Variants in PMS2 observed in about 807,000 individuals in gnomAD.
The protein encoded by PMS2 is mismatch repair endonuclease PMS2.
A neutral mutation model predicts 90.0 loss-of-function variants in PMS2; 69 were observed. The observed-to-expected ratio is 0.77, with a 90% confidence interval of 0.63 to 0.94. PMS2 has a LOEUF of 0.94. PMS2 is among the 40% of genes least tolerant of loss of function. PMS2 has a pLI of 0.00. For missense variants in PMS2, 966 were observed against 1,040.2 expected (o/e 0.93, Z 0.98); for synonymous variants, 332 against 375.1 (o/e 0.89, Z 1.33).
At chr7:6,008,373 G>A (rs1475307892) in intron 1 of PMS2, among the ~76,000 whole-genome samples, 2 of 152,162 alleles carry the variant, frequency 1.3e-5, no homozygotes, top group African/African-American at 4.8e-5. Flanking sequence ...CTAACAGGTA[G>A]AAACGTATTG....
At chr7:5,986,714 A>C in intron 11 of PMS2, 45 bp downstream of exon 11, 2 of 1,406,508 alleles carry the variant, frequency 1.4e-6, no homozygotes, top group Non-Finnish European at 1.9e-6. Flanking sequence ...AATAAAAATA[A>C]AAATTTTAGA....
intron 8 of PMS2, 35 bp from the exon 9 acceptor site, chr7:5,992,092 GA>G: frequency 8.8e-7 from 1 of 1,133,354 alleles, no homozygotes; most frequent in East Asian, 2.3e-5. Context: ...AAGAATAAAT[GA>G]CAAATGTTCC....
At chr7:5,999,386 G>A in intron 5 of PMS2, 111 bp from the exon 6 acceptor site, 1 of 931,042 alleles carries the variant, frequency 1.1e-6, no homozygotes, top group Non-Finnish European at 1.7e-6. Flanking sequence ...CACAAATCAA[G>A]GGAAGCACTG....
chr7:6,005,618 T>A (rs1785647591), intron 2 of PMS2, among the ~76,000 whole-genome samples: 2 of 152,160 alleles, frequency 1.3e-5, no homozygotes, highest in African/African-American at 4.8e-5. Context: ...ATTATAGGCG[T>A]GAGACACCAC....
intron 11 of PMS2, among the ~76,000 whole-genome samples, chr7:5,984,640 C>T (rs955790334): frequency 6.6e-6 from 1 of 151,620 alleles, no homozygotes; most frequent in Middle Eastern, 3.2e-3. Flanking sequence ...AAAAAATTAG[C>T]CAGGCATGGT....
In PMS2 at chr7:5,995,534, C is replaced by T. The variant is rs267608153; in HGVS notation, c.903G>A (p.Lys301=). 3.1e-6 allele frequency: 5 copies of T among 1,609,560 alleles called. No individual in the cohort carries two copies. The highest frequency in any genetic ancestry group is 4.3e-6 in the Non-Finnish European group (5 of 1,176,072). The part of the protein sequence containing the change: ...FINRRPCDPA[K]VCRLVNEVYH... ...ACTAACACAAAAAAATTTTAAATACCTTTGCTGGGTCACAAGGCCGCCGGT... is the reference window on the plus strand; with the variant it reads ...ACTAACACAAAAAAATTTTAAATACTTTTGCTGGGTCACAAGGCCGCCGGT... The change falls in exon 8 of 15, where the codon AAG becomes AAA. Residue 301 remains lysine, a splice_region_variant and synonymous_variant. Transcript: ENST00000265849.
chr7:6,004,237 C>T (rs761059987), intron 2 of PMS2, 179 bp from the exon 3 acceptor site: 12 of 549,894 alleles, frequency 2.2e-5, no homozygotes, highest in African/African-American at 5.8e-5. Flanking sequence ...ATTTACTAGC[C>T]CAGACTAAAT....
At chr7:6,005,078 T>C (rs1313986924) in intron 2 of PMS2, among the ~76,000 whole-genome samples, 2 of 152,064 alleles carry the variant, frequency 1.3e-5, no homozygotes, top group Non-Finnish European at 2.9e-5. Context: ...CTAATTTTTG[T>C]ATTTTTAGTA....
chr7:5,976,270 T>C (rs1345070072), intron 14 of PMS2, among the ~76,000 whole-genome samples: 3 of 145,104 alleles, frequency 2.1e-5, no homozygotes, highest in African/African-American at 7.4e-5. Flanking sequence ...TTGAATCTCT[T>C]GACTGTGCTT....
chr7:5,996,064 G>A (rs1055868951), intron 7 of PMS2, among the ~76,000 whole-genome samples: 7 of 152,076 alleles, frequency 4.6e-5, no homozygotes, highest in African/African-American at 1.2e-4. Context: ...CGGGTAGGAC[G>A]CTTATATCTC....
At chr7:5,995,031 GA>G (rs927007333) in intron 8 of PMS2, among the ~76,000 whole-genome samples, 26 of 151,942 alleles carry the variant, frequency 1.7e-4, no homozygotes, top group African/African-American at 5.8e-4. Context: ...TAAAGTAGTA[GA>G]AAAAAATATA....
At chr7:5,999,336 C>T (rs1478449102) in intron 5 of PMS2, 61 bp from the exon 6 acceptor site, 1 of 1,453,182 alleles carries the variant, frequency 6.9e-7, no homozygotes, top group Non-Finnish European at 9.7e-7. Context: ...AATTACACAG[C>T]TCAAGTTACA....
At chr7:5,997,799 C>T (rs896613980) in intron 6 of PMS2, among the ~76,000 whole-genome samples, 1 of 152,124 alleles carries the variant, frequency 6.6e-6, no homozygotes, top group Admixed American at 6.6e-5. Context: ...ATTCTCCCAC[C>T]TCAAAATTGT....
chr7:5,999,316 A>C, intron 5 of PMS2, 41 bp from the exon 6 acceptor site: 1 of 1,555,558 alleles, frequency 6.4e-7, no homozygotes, highest in Non-Finnish European at 8.9e-7. Context: ...CATTACTTTA[A>C]TATTATAGGA....
intron 1 of PMS2, among the ~76,000 whole-genome samples, chr7:6,007,984 A>G (rs1030257862): frequency 6.6e-6 from 1 of 151,176 alleles, no homozygotes; most frequent in African/African-American, 2.4e-5. Flanking sequence ...CTCAGCCTCC[A>G]AAGTAGCTAG....
rs878854053 is a variant in PMS2, at chr7:6,002,486, C to T, written c.504G>A (p.Val168=). Residue 168 remains valine (V), a synonymous_variant, in exon 5 of 15, where the codon GTG becomes GTA. Coordinates refer to ENST00000265849, the MANE Select transcript of PMS2 (RefSeq NM_000535.7). ...SVQQLFSTLP[V]RHKEFQRNIK... is the part of the protein sequence containing the mutation. ...TATTCCTTTGAAATTCCTTATGGCG[C>T]ACAGGTAGTGTGGAAAATAACTGCT... The T allele has an allele frequency of 5.0e-6, 8 of 1,611,584 alleles. No homozygotes were observed. The highest frequency in any genetic ancestry group is 1.3e-5 in the African/African-American group (1 of 74,970).
chr7:5,981,549 A>G (rs1782283759), intron 12 of PMS2, among the ~76,000 whole-genome samples: 1 of 149,664 alleles, frequency 6.7e-6, no homozygotes, highest in Non-Finnish European at 1.5e-5. Context: ...TCCAACCTGC[A>G]GTGACTATCT....
intron 4 of PMS2, 53 bp from the exon 5 acceptor site, chr7:6,002,689 G>T (rs1462713597): frequency 3.0e-6 from 4 of 1,340,098 alleles, no homozygotes; most frequent in African/African-American, 1.4e-5. Context: ...ATGATGTTGG[G>T]CACTGACTAC....
chr7:6,005,906 C>A lies in PMS2; in HGVS notation c.149G>T (p.Gly50Val), dbSNP rs539285592. ...CCCAAACTTACCAATATTAGTGGCA[C>A]CAGCATCCAGACTGTTTTCTACTAA... Reference protein sequence around the residue: ...KELVENSLDAGATNIDLKLKD... With the variant: ...KELVENSLDAVATNIDLKLKD... The change falls in exon 2 of 15, where the codon GGT becomes GTT. Residue 50 changes from glycine to valine, a missense_variant. This residue lies in a region of PMS2 where 871 missense variants were observed against 802.4 expected (regional missense o/e 1.09). Coordinates refer to ENST00000265849, the MANE Select transcript of PMS2 (RefSeq NM_000535.7). 6.2e-7 allele frequency: 1 copy of A among 1,610,834 alleles called. No individual in the cohort carries two copies. The highest frequency in any genetic ancestry group is 2.2e-5 in the East Asian group (1 of 44,872).
Sources: allele counts gnomAD v4.1 joint callset (sites outside exome capture counted in the v4.1 genomes callset), GRCh38; gene constraint gnomAD v4.1.1; regional missense constraint gnomAD v4.1.1; transcripts MANE v1.5; gene names NCBI Gene and HGNC (gene_info 2026-07-23, HGNC 2026-07-21).